SPATA13: variants seen among roughly 807,000 people sequenced by gnomAD.
The protein encoded by SPATA13 is spermatogenesis associated 13, also known as spermatogenesis-associated protein 13.
A neutral mutation model predicts 104.0 loss-of-function variants in SPATA13; 50 were observed. The ratio of observed to expected loss-of-function variants is 0.48; its 90% confidence interval spans 0.38 to 0.61. The LOEUF is 0.61. Ranked by LOEUF, SPATA13 falls within the 20% of genes least tolerant of loss-of-function variation. The pLI, the probability that SPATA13 is intolerant of heterozygous loss-of-function variation, is 0.00. For synonymous variants in SPATA13, 606 were observed against 667.5 expected (o/e 0.91, Z 1.42); for missense variants, 1,524 against 1,690.6 (o/e 0.90, Z 1.73).
chr13:24,203,699 G>A lies in SPATA13; in HGVS notation c.-111-19120G>A, dbSNP rs573752635. On this transcript the variant is annotated intron_variant, in intron 1 of 12. Coordinates refer to ENST00000382108, the MANE Select transcript of SPATA13 (RefSeq NM_001166271.3). ...ATTCTCAAACTCGTTTCTCTTTTTT[G>A]TTGGTAGGTATTTGGGAGAAAGAGC... Among the ~76,000 whole-genome samples the A allele has an allele frequency of 6.6e-5, 10 of 152,184 alleles. No homozygotes were observed. The South Asian group carries it at 1.0e-3, about 16-fold the overall frequency.
At chr13:24,166,054 C>T (rs1235957347) in intron 1 of SPATA13, among the ~76,000 whole-genome samples, 3 of 152,202 alleles carry the variant, frequency 2.0e-5, no homozygotes, top group Admixed American at 6.5e-5. Flanking sequence ...AAGTCTTTCT[C>T]ATTCATCAGG....
chr13:24,277,023 A>T (rs1875037963), intron 4 of SPATA13, among the ~76,000 whole-genome samples: 1 of 152,234 alleles, frequency 6.6e-6, no homozygotes, highest in African/African-American at 2.4e-5. Flanking sequence ...AGTATGTGAC[A>T]CTTTAAAAAG....
At chr13:24,066,907 G>A (rs568079733) in intron 3 of SPATA13, among the ~76,000 whole-genome samples, 1 of 152,242 alleles carries the variant, frequency 6.6e-6, no homozygotes, top group African/African-American at 2.4e-5. Flanking sequence ...CCTAGGGAGG[G>A]GCAAACCAAA....
intron 7 of SPATA13, among the ~76,000 whole-genome samples, chr13:24,287,924 C>T (rs954319301): frequency 5.3e-4 from 80 of 152,310 alleles, no homozygotes; most frequent in African/African-American, 1.7e-3. Flanking sequence ...ATCAGTTCAA[C>T]GCTGACCATT....
chr13:24,268,803 T>C (rs1874410781), intron 4 of SPATA13, among the ~76,000 whole-genome samples: 1 of 152,184 alleles, frequency 6.6e-6, no homozygotes, highest in Non-Finnish European at 1.5e-5. Flanking sequence ...TCAGCTGAAC[T>C]GGTCATAAGA....
chr13:24,193,982 G>A (rs992317454), intron 1 of SPATA13, among the ~76,000 whole-genome samples: 7 of 152,170 alleles, frequency 4.6e-5, no homozygotes, highest in Non-Finnish European at 1.0e-4. Context: ...GGCAGAAACT[G>A]GAAAAGAGTT....
At chr13:24,284,463 C>A (rs549343443) in intron 5 of SPATA13, among the ~76,000 whole-genome samples, 192 bp downstream of exon 5, 2 of 152,158 alleles carry the variant, frequency 1.3e-5, no homozygotes, top group Non-Finnish European at 2.9e-5. Flanking sequence ...GAGTTTAAGA[C>A]CCGCCTGGCC....
At chr13:24,169,595 C>T (rs746593544) in intron 1 of SPATA13, among the ~76,000 whole-genome samples, 3 of 152,140 alleles carry the variant, frequency 2.0e-5, no homozygotes, top group Non-Finnish European at 4.4e-5. Context: ...CTTCCCTTCC[C>T]GAGGTCATGT....
At chr13:24,113,733 G>C (rs1880726039) in intron 3 of SPATA13, among the ~76,000 whole-genome samples, 2 of 151,906 alleles carry the variant, frequency 1.3e-5, no homozygotes, top group Non-Finnish European at 2.9e-5. Flanking sequence ...AGCTGGACAT[G>C]GTGGTGCATG....
intron 3 of SPATA13, among the ~76,000 whole-genome samples, chr13:24,119,100 G>A (rs969737900): frequency 6.6e-6 from 1 of 151,912 alleles, no homozygotes; most frequent in Admixed American, 6.6e-5. Flanking sequence ...GTAGAGACAA[G>A]GTTTTACCAT....
At chr13:24,270,066 C>T (rs1018615444) in intron 4 of SPATA13, among the ~76,000 whole-genome samples, 1 of 151,968 alleles carries the variant, frequency 6.6e-6, no homozygotes, top group African/African-American at 2.4e-5. Flanking sequence ...CACTACTTTG[C>T]GTATATATTA....
chr13:24,265,170 C>G (rs1229894741), intron 4 of SPATA13, among the ~76,000 whole-genome samples: 1 of 152,218 alleles, frequency 6.6e-6, no homozygotes, highest in African/African-American at 2.4e-5. Context: ...GGGGCCCGCC[C>G]CTCCTGTGGT....
Position 24,223,085 on chromosome 13 carries a change from T to G in SPATA13, c.156T>G (p.Cys52Trp), listed in dbSNP as rs1047558474. The change falls in exon 2 of 13, where the codon TGT becomes TGG. Residue 52 changes from cysteine (C) to tryptophan (W), a missense_variant. Cys to Trp is a radical substitution (Grantham distance 215). Coordinates refer to ENST00000382108, the MANE Select transcript of SPATA13 (RefSeq NM_001166271.3). ...VTSLACGNGV[C>W]GCSPGGDTDT... is the part of the protein sequence containing the mutation. ...CCCTTGCGTGTGGAAATGGAGTCTG[T>G]GGCTGCAGCCCTGGTGGCGACACGG... is the stretch of plus-strand genomic sequence containing the variant. 1.9e-6 allele frequency: 3 copies of G among 1,551,606 alleles called. No individual in the cohort carries two copies. Among genetic ancestry groups the G allele is most frequent in the Admixed American group, 2.0e-5 (1 of 50,984 alleles).
intron 3 of SPATA13, among the ~76,000 whole-genome samples, chr13:24,110,025 G>A (rs1370019956): frequency 6.8e-6 from 1 of 147,582 alleles, no homozygotes; most frequent in Non-Finnish European, 1.5e-5. Context: ...ATGCTCTTAT[G>A]CTTTTAGAAT....
intron 3 of SPATA13, among the ~76,000 whole-genome samples, chr13:24,026,494 T>A (rs12430935): frequency 0.13 from 19,574 of 152,230 alleles, 1,774 homozygotes; most frequent in East Asian, 0.52. Flanking sequence ...GATGGAATTA[T>A]TTGGCCCTTT....
chr13:24,241,025 C>T (rs1383982477), intron 2 of SPATA13, among the ~76,000 whole-genome samples: 3 of 152,060 alleles, frequency 2.0e-5, no homozygotes, highest in East Asian at 1.9e-4. Context: ...AATGATGTCA[C>T]GATTACTGAC....
chr13:24,086,582 A>G (rs372263116), intron 3 of SPATA13, among the ~76,000 whole-genome samples: 3 of 152,312 alleles, frequency 2.0e-5, no homozygotes, highest in East Asian at 1.9e-4. Context: ...AGAAGGTGGA[A>G]TAGAGGAGGC....
At chr13:24,023,907 G>T (rs1434057245) in intron 3 of SPATA13, among the ~76,000 whole-genome samples, 1 of 152,210 alleles carries the variant, frequency 6.6e-6, no homozygotes, top group African/African-American at 2.4e-5. Context: ...GCCACAGCAT[G>T]GGTGGGGATT....
At chr13:24,113,016 G>A (rs965102093) in intron 3 of SPATA13, among the ~76,000 whole-genome samples, 3 of 152,144 alleles carry the variant, frequency 2.0e-5, no homozygotes, top group Non-Finnish European at 2.9e-5. Context: ...TGGCTTCCTG[G>A]AAGCCTAGGT....
Sources: allele counts gnomAD v4.1 joint callset (sites outside exome capture counted in the v4.1 genomes callset), GRCh38; gene constraint gnomAD v4.1.1; transcripts MANE v1.5; gene names NCBI Gene and HGNC (gene_info 2026-07-23, HGNC 2026-07-21).